PPIP5K2: variants seen among roughly 807,000 people sequenced by gnomAD.
PPIP5K2 encodes inositol hexakisphosphate and diphosphoinositol-pentakisphosphate kinase 2.
A neutral mutation model predicts 154.6 loss-of-function variants in PPIP5K2; 105 were observed. The ratio of observed to expected loss-of-function variants is 0.68; its 90% CI spans 0.58 to 0.80. The LOEUF (loss-of-function observed/expected upper bound fraction) is 0.80. Ranked by LOEUF, PPIP5K2 falls within the 30% of genes least tolerant of loss-of-function variation. The pLI is 0.00. For missense variants in PPIP5K2, 992 were observed against 1,504.6 expected (o/e 0.66, Z 5.64); for synonymous variants, 480 against 490.3 (o/e 0.98, Z 0.28).
chr5:103,180,038 T>C lies in PPIP5K2; in HGVS notation c.2772T>C (p.Pro924=). Residue 924 remains proline (P), a synonymous_variant, in exon 24 of 31, where the codon CCT becomes CCC. Coordinates refer to ENST00000358359, the MANE Select transcript of PPIP5K2 (RefSeq NM_001276277.3). ...PASRENEGRR[P]FKIDNDDEPH... ...GCTCACAGAATGAAGGCAGGAGACC[T>C]TTTAAAATTGATAATGATGATGAAC... 3 of 1,540,354 alleles carry C rather than the reference T, an allele frequency of 1.9e-6. No homozygotes were observed. Among genetic ancestry groups the C allele is most frequent in the Admixed American group, 2.1e-5 (1 of 48,640 alleles).
At chr5:103,145,576 T>C (rs1303116322) in intron 5 of PPIP5K2, among the ~76,000 whole-genome samples, 1 of 152,082 alleles carries the variant, frequency 6.6e-6, no homozygotes, top group Non-Finnish European at 1.5e-5. Context: ...AATGAAATCC[T>C]GTCATTTGCA....
chr5:103,192,422 A>G (rs1554227198), intron 29 of PPIP5K2, among the ~76,000 whole-genome samples: 1 of 152,006 alleles, frequency 6.6e-6, no homozygotes, highest in African/African-American at 2.4e-5. Context: ...ATTCTAGTTT[A>G]CCCCTTCACC....
chr5:103,168,075 T>C lies in PPIP5K2; in HGVS notation c.2066T>C (p.Ile689Thr). Residue 689 changes from isoleucine (I) to threonine (T), a missense_variant, in exon 19 of 31, where the codon ATT becomes ACT. Coordinates refer to ENST00000358359, the MANE Select transcript of PPIP5K2 (RefSeq NM_001276277.3). ...TAAAAATGTTATGTTGTTTTAGATA[T>C]TCAGCTTTACCATAGTGAAACATTG... ...HRMEDPKSSDIQLYHSETLEL... is the reference protein window; with the variant it reads ...HRMEDPKSSDTQLYHSETLEL... 1 of 1,592,902 alleles carries C rather than the reference T, an allele frequency of 6.3e-7. No individual in the cohort carries two copies. The highest frequency in any genetic ancestry group is 8.6e-7 in the Non-Finnish European group (1 of 1,167,418).
At chr5:103,129,936 CAGTGTT>C (rs1248014782) in intron 2 of PPIP5K2, among the ~76,000 whole-genome samples, 4 of 152,072 alleles carry the variant, frequency 2.6e-5, no homozygotes, top group African/African-American at 9.7e-5. Flanking sequence ...TAGTGTAACT[CAGTGTT>C]AGGTAACAAA....
intron 21 of PPIP5K2, among the ~76,000 whole-genome samples, chr5:103,176,225 G>A (rs1798686304): frequency 6.6e-6 from 1 of 151,838 alleles, no homozygotes; most frequent in Admixed American, 6.6e-5. Context: ...ATTTATTAGA[G>A]AAGACCTAGC....
rs1789316527 is a variant in PPIP5K2, at chr5:103,124,509, A to C, written c.-285+4021A>C. Among the ~76,000 whole-genome samples, 4 of 152,146 alleles carry C rather than the reference A, an allele frequency of 2.6e-5. No individual in the cohort carries two copies. In the South Asian group the frequency reaches 8.3e-4, roughly 32 times the overall value. On this transcript the variant is annotated intron_variant, in intron 1 of 30. Transcript: ENST00000358359. Reference sequence around the variant, plus strand: ...CTTATTGGCTCTGTGATGATGATCAAATTACCTGAACTTTCTGAACCTCAA... The same window carrying C: ...CTTATTGGCTCTGTGATGATGATCACATTACCTGAACTTTCTGAACCTCAA...
intron 2 of PPIP5K2, 50 bp downstream of exon 2, chr5:103,129,753 C>G: frequency 6.7e-7 from 1 of 1,484,796 alleles, no homozygotes; most frequent in Middle Eastern, 1.8e-4. Context: ...ACAGTATAGG[C>G]TTTTTACTAA....
chr5:103,142,019 C>G (rs577696211), intron 5 of PPIP5K2, among the ~76,000 whole-genome samples: 8 of 152,360 alleles, frequency 5.3e-5, no homozygotes, highest in Admixed American at 2.6e-4. Context: ...CTGCCAGTCA[C>G]GCGCCGTGTG....
rs901801074 is a variant in PPIP5K2, at chr5:103,205,465, T to C, written c.*3831T>C. 2.0e-5 allele frequency: 3 copies of C among 152,130 alleles called. No individual in the cohort carries two copies. Among genetic ancestry groups the C allele is most frequent in the Admixed American group, 2.0e-4 (3 of 15,254 alleles). 9.4% of individuals were successfully genotyped at this position (152,130 alleles called of 1,614,324 possible). ...ACTAATTTACACTCCCACCAAGTGT[T>C]CCTATTTCTCCACATCCTCTCCAGC... On this transcript the variant is annotated 3_prime_UTR_variant, in exon 31 of 31. Coordinates refer to ENST00000358359, the MANE Select transcript of PPIP5K2 (RefSeq NM_001276277.3).
intron 30 of PPIP5K2, among the ~76,000 whole-genome samples, chr5:103,197,240 A>G (rs1802230202): frequency 6.6e-6 from 1 of 152,100 alleles, no homozygotes; most frequent in African/African-American, 2.4e-5. Flanking sequence ...AAGAGTTTTT[A>G]TAAGATTTTT....
At chr5:103,145,681 A>G (rs1793638302) in intron 5 of PPIP5K2, among the ~76,000 whole-genome samples, 1 of 151,800 alleles carries the variant, frequency 6.6e-6, no homozygotes, top group Non-Finnish European at 1.5e-5. Flanking sequence ...CTTAAAAAAA[A>G]GATGAACTCT....
Position 103,161,797 on chromosome 5 carries a change from GTTGT to G in PPIP5K2, c.1920+2476_1920+2479del, listed in dbSNP as rs538516416. Among the ~76,000 whole-genome samples, 840 of 152,032 alleles carry G rather than the reference GTTGT, an allele frequency of 5.5e-3. 15 individuals are homozygous for G. Among genetic ancestry groups the G allele is most frequent in the African/African-American group, 0.019 (796 of 41,344 alleles). On this transcript the variant is annotated intron_variant, in intron 17 of 30. Transcript: ENST00000358359. ...TATCCTTCACCCACTTTTTGATGGG[GTTGT>G]TTGTTTTTTTCTTGTAAATTTCTTT...
chr5:103,138,466 A>G lies in PPIP5K2; in HGVS notation c.484A>G (p.Lys162Glu), dbSNP rs1319412320. Residue 162 changes from lysine (K) to glutamate (E), a missense_variant, in exon 5 of 31, where the codon AAA (lysine) becomes GAA (glutamate). Physicochemically the swap from Lys to Glu is moderately conservative, Grantham distance 56 (BLOSUM62 1). Coordinates refer to ENST00000358359, the MANE Select transcript of PPIP5K2 (RefSeq NM_001276277.3). ...TTTGAACCGTGACCCAAATAATCCC[A>G]AAGGTAAGAGTAAGAGATTTTAGGT... is the stretch of plus-strand genomic sequence containing the variant. ...AILNRDPNNP[K>E]ECNLIEGEDH... 6.3e-7 allele frequency: 1 copy of G among 1,595,056 alleles called. No individual in the cohort carries two copies. The highest frequency in any genetic ancestry group is 2.3e-5 in the East Asian group (1 of 44,430).
intron 4 of PPIP5K2, 84 bp from the exon 5 acceptor site, chr5:103,138,300 T>C: frequency 1.3e-6 from 1 of 745,032 alleles, no homozygotes; most frequent in Non-Finnish European, 2.1e-6. Context: ...AGAACAACAA[T>C]AATGTCTTTT....
intron 8 of PPIP5K2, among the ~76,000 whole-genome samples, chr5:103,149,846 AC>A (rs1202305137): frequency 1.3e-5 from 2 of 151,536 alleles, no homozygotes; most frequent in Admixed American, 1.3e-4. Flanking sequence ...ACAGGCACCC[AC>A]CACCATGCCC....
intron 17 of PPIP5K2, among the ~76,000 whole-genome samples, chr5:103,162,814 G>A (rs1056913380): frequency 2.0e-5 from 3 of 151,946 alleles, no homozygotes; most frequent in Non-Finnish European, 4.4e-5. Flanking sequence ...TAAACTTACT[G>A]TTTTGCTCTT....
At chr5:103,163,959 G>T (rs1422933832) in intron 17 of PPIP5K2, among the ~76,000 whole-genome samples, 1 of 151,842 alleles carries the variant, frequency 6.6e-6, no homozygotes, top group Non-Finnish European at 1.5e-5. Flanking sequence ...TGCTAGTCTT[G>T]TAAAATTAGT....
chr5:103,122,094 A>T (rs1273013228), intron 1 of PPIP5K2, among the ~76,000 whole-genome samples: 11 of 152,164 alleles, frequency 7.2e-5, no homozygotes, highest in Non-Finnish European at 1.6e-4. Flanking sequence ...ATGTGTGTGT[A>T]TGTGTCTGTG....
At chr5:103,163,764 G>GT (rs1192753461) in intron 17 of PPIP5K2, among the ~76,000 whole-genome samples, 2 of 151,840 alleles carry the variant, frequency 1.3e-5, no homozygotes, top group East Asian at 1.9e-4. Flanking sequence ...ATATCTTACA[G>GT]TTTTTTGAAT....
Sources: allele counts gnomAD v4.1 joint callset (sites outside exome capture counted in the v4.1 genomes callset), GRCh38; gene constraint gnomAD v4.1.1; transcripts MANE v1.5; gene names NCBI Gene and HGNC (gene_info 2026-07-23, HGNC 2026-07-21).